TNS2: variants seen among roughly 807,000 people sequenced by gnomAD.
TNS2 encodes the protein tensin 2, also known as tensin-2.
A neutral mutation model predicts 155.7 loss-of-function variants in TNS2; 77 were observed. The observed-to-expected ratio is 0.49, with a 90% CI of 0.41 to 0.60. TNS2 has a LOEUF of 0.60. TNS2 is among the 20% of genes least tolerant of loss of function. TNS2 has a pLI of 0.00. For synonymous variants in TNS2, 726 were observed against 763.9 expected, an observed-to-expected ratio of 0.95 and a Z score of 0.82; for missense variants, 1,703 against 1,868.8, an observed-to-expected ratio of 0.91 and a Z score of 1.64.
At position 53,061,152 on chromosome 12, in the gene TNS2, G is replaced by A. The variant is rs758587082; in HGVS notation, c.3246G>A (p.Pro1082=). 22 of 1,607,992 alleles carry A rather than the reference G, an allele frequency of 1.4e-5. No individual in the cohort carries two copies. The highest frequency in any genetic ancestry group is 4.5e-5 in the East Asian group (2 of 44,864). Reference sequence around the variant, plus strand: ...CTGAGAAACGCCACCTGCCCGGGCCGGGGCAACAGCCAGGACCCTGGGGCC... The same window carrying A: ...CTGAGAAACGCCACCTGCCCGGGCCAGGGCAACAGCCAGGACCCTGGGGCC... ...PLPEKRHLPG[P]GQQPGPWGPE... is the part of the protein sequence containing the mutation. Residue 1082 remains proline, a synonymous_variant, in exon 20 of 29, where the codon CCG becomes CCA. Transcript: ENST00000314250.
chr12:53,049,314 G>A (rs1051944291), upstream of TNS2: 12 of 1,373,528 alleles, frequency 8.7e-6, no homozygotes, highest in Non-Finnish European at 1.2e-5. Context: ...AGCCCAAGTT[G>A]CAGGGCTGGA....
At chr12:53,062,507 G>T (rs1944416213) in intron 24 of TNS2, 54 bp downstream of exon 24, 1 of 1,610,992 alleles carries the variant, frequency 6.2e-7, no homozygotes, top group Non-Finnish European at 8.5e-7. Context: ...TGCAGCCAAA[G>T]CAGGATCCAG....
Position 53,061,029 on chromosome 12 carries a change from G to A in TNS2, c.3123G>A (p.Trp1041Ter). 6.2e-7 allele frequency: 1 copy of A among 1,613,790 alleles called. No individual in the cohort carries two copies. Reference protein sequence around the residue: ...PLTPVPSQMPWLVASPEPPQS... With the variant: ...PLTPVPSQMP ...CTCCTGTGCCTTCCCAGATGCCCTG[G>A]CTTGTGGCCAGCCCAGAGCCGCCTC... Residue 1041 changes from tryptophan (W) to a stop codon, truncating the protein, a stop_gained, in exon 20 of 29, where the codon TGG (tryptophan) becomes TGA (stop). Coordinates refer to ENST00000314250, the MANE Select transcript of TNS2 (RefSeq NM_170754.4). LOFTEE classifies it high-confidence loss of function.
chr12:53,062,665 G>C lies in TNS2; in HGVS notation c.3791G>C (p.Ser1264Thr), dbSNP rs921657888. Residue 1264 changes from serine (S) to threonine (T), a missense_variant, in exon 25 of 29, where the codon AGC becomes ACC. By Grantham distance (58) the Ser-to-Thr change is moderately conservative. Coordinates refer to ENST00000314250, the MANE Select transcript of TNS2 (RefSeq NM_170754.4). ...TPEAPVPTNM[S>T]TAADLLRQGA... ...GAGGCTCCAGTGCCCACCAACATGA[G>C]CACAGCGGCAGACCTCCTGCGTCAG... The C allele has an allele frequency of 1.2e-5, 19 of 1,613,886 alleles. No individual in the cohort carries two copies. The highest frequency in any genetic ancestry group is 1.4e-5 in the Non-Finnish European group (17 of 1,179,970).
chr12:53,047,451 G>A (rs998165880), upstream of TNS2, among the ~76,000 whole-genome samples: 2 of 144,624 alleles, frequency 1.4e-5, no homozygotes, highest in African/African-American at 4.9e-5. Context: ...GCGGGCGCCA[G>A]GGGGCGCGGG....
Position 53,059,744 on chromosome 12 carries a change from A to G in TNS2, c.2103A>G (p.Thr701=), listed in dbSNP as rs1269015091. The change falls in exon 18 of 29, where the codon ACA becomes ACG. Residue 701 remains threonine (T), a synonymous_variant. Transcript: ENST00000314250. The surrounding 1 kb of genome is among the most constrained non-coding windows in gnomAD (Gnocchi z 4.7). Reference sequence around the variant, plus strand: ...GCGAGGAGAAGCTGGCGCTGCCTACAGCAGCCTTGTATGGACTGCGGCTGG... The same window carrying G: ...GCGAGGAGAAGCTGGCGCTGCCTACGGCAGCCTTGTATGGACTGCGGCTGG... ...PACEEKLALP[T]AALYGLRLER... is the part of the protein sequence containing the mutation. The G allele has an allele frequency of 6.2e-7, 1 of 1,612,876 alleles. No individual in the cohort carries two copies. Among genetic ancestry groups the G allele is most frequent in the African/African-American group, 1.3e-5 (1 of 74,918 alleles).
intron 23 of TNS2, 32 bp from the exon 24 acceptor site, chr12:53,062,344 A>G (rs368234436): frequency 1.2e-6 from 2 of 1,613,406 alleles, no homozygotes; most frequent in African/African-American, 2.7e-5. Flanking sequence ...CACCCTGGGC[A>G]TCTCGGGACT....
Position 53,059,869 on chromosome 12 carries a change from G to T in TNS2, c.2228G>T (p.Gly743Val), listed in dbSNP as rs1281415196. Reference protein sequence around the residue: ...HPLPLLLPACGHHHAPMPDYS... With the variant: ...HPLPLLLPACVHHHAPMPDYS... Reference sequence around the variant, plus strand: ...CTGCCTCTGCTCTTGCCTGCCTGTGGGCATCACCATGCCCCGATGCCTGAC... The same window carrying T: ...CTGCCTCTGCTCTTGCCTGCCTGTGTGCATCACCATGCCCCGATGCCTGAC... The change falls in exon 18 of 29, where the codon GGG becomes GTG. Residue 743 changes from glycine to valine, a missense_variant. Transcript: ENST00000314250. This position sits in a 1 kb window ranked among gnomAD's most constrained non-coding sequence, Gnocchi z 4.7. 1.9e-6 allele frequency: 3 copies of T among 1,613,010 alleles called. No individual in the cohort carries two copies. The African/African-American group carries it at 4.0e-5, about 21-fold the overall frequency.
chr12:53,053,475 G>GGA, intron 4 of TNS2, 26 bp downstream of exon 4: 1 of 1,613,738 alleles, frequency 6.2e-7, no homozygotes, highest in Non-Finnish European at 8.5e-7. Context: ...GATGGGGTGG[G>GGA]GAGGGCAAGG....
At chr12:53,055,291 G>T in intron 8 of TNS2, 55 bp downstream of exon 8, 1 of 1,576,674 alleles carries the variant, frequency 6.3e-7, no homozygotes. Flanking sequence ...AACCCCAGAA[G>T]CCCCCAGCTT....
Position 53,060,662 on chromosome 12 carries a change from T to C in TNS2, c.2769-13T>C. ...TGGGGGCTCTGCTGACCATCTGCCC[T>C]TCCACCCTACAGCACCCGGCGACAG... On this transcript the variant is annotated splice_polypyrimidine_tract_variant and intron_variant, in intron 19 of 28. Transcript: ENST00000314250. The surrounding 1 kb of genome is among the most constrained non-coding windows in gnomAD (Gnocchi z 6.1). 6.3e-7 allele frequency: 1 copy of C among 1,581,694 alleles called. No homozygotes were observed. The highest frequency in any genetic ancestry group is 8.6e-7 in the Non-Finnish European group (1 of 1,160,700).
chr12:53,055,474 C>T, intron 8 of TNS2, 94 bp from the exon 9 acceptor site: 4 of 1,461,248 alleles, frequency 2.7e-6, no homozygotes, highest in Non-Finnish European at 3.7e-6. Context: ...CCCAGCCTTG[C>T]CCCCGGACCC....
rs199778149 is a variant in TNS2 at position 53,063,752 on chromosome 12, G to C, written c.4100G>C (p.Gly1367Ala). 1.3e-4 allele frequency: 210 copies of C among 1,614,130 alleles called. No homozygotes were observed. Among genetic ancestry groups the C allele is most frequent in the Non-Finnish European group, 1.7e-4 (195 of 1,180,020 alleles). The change falls in exon 29 of 29, where the codon GGT becomes GCT. Residue 1367 changes from glycine (G) to alanine (A), a missense_variant. Transcript: ENST00000314250. This position sits in a 1 kb window ranked among gnomAD's most constrained non-coding sequence, Gnocchi z 5.6. ...ACCCTTTATCCCCCTAGGATCTTTG[G>C]TTTCGTGGCCAAGAAGCCGGGAAGC... ...NPDGTTSKIF[G>A]FVAKKPGSPW...
Position 53,059,203 on chromosome 12 carries a change from CAG to C in TNS2, c.1565_1566del (p.Glu522AlafsTer4). The C allele has an allele frequency of 6.3e-7, 1 of 1,589,300 alleles. No homozygotes were observed. On this transcript the variant is annotated frameshift_variant, in exon 18 of 29. Transcript: ENST00000314250. LOFTEE classifies it high-confidence loss of function. This position sits in a 1 kb window ranked among gnomAD's most constrained non-coding sequence, Gnocchi z 4.7. ...TCAGGCCATTCCTCCACGCTGACCA[CAG>C]AGCCGGCTGCTGAGTCCCCTGGCCG... is the stretch of plus-strand genomic sequence containing the variant.
intron 15 of TNS2, 28 bp from the exon 16 acceptor site, chr12:53,058,544 C>G: frequency 1.2e-6 from 2 of 1,614,102 alleles, no homozygotes; most frequent in African/African-American, 1.3e-5. Flanking sequence ...GGCCAGGGGC[C>G]TGGTTCTTCA....
Position 53,054,131 on chromosome 12 carries a change from G to T in TNS2, c.350+117G>T, listed in dbSNP as rs1944041761. 25 of 1,565,542 alleles carry T rather than the reference G, an allele frequency of 1.6e-5. No homozygotes were observed. In the South Asian group the frequency reaches 1.9e-4, roughly 12 times the overall value. On this transcript the variant is annotated intron_variant, in intron 6 of 28. Coordinates refer to ENST00000314250, the MANE Select transcript of TNS2 (RefSeq NM_170754.4). ...GGGACAGCCCCCCACCCCCAAAGCG[G>T]TATTCTCCCTCCAGACCGATCCACC... is the stretch of plus-strand genomic sequence containing the variant.
In TNS2 at chr12:53,050,560, C is replaced by T. The variant is rs1352683461; in HGVS notation, c.75+300C>T. 1.3e-5 allele frequency among the ~76,000 whole-genome samples: 2 copies of T among 151,986 alleles called. No homozygotes were observed. Among genetic ancestry groups the T allele is most frequent in the East Asian group, 1.9e-4 (1 of 5,170 alleles). ...TGCCTCACTGCAGGACTTTGCCATG[C>T]GCTATCCAGGTATCCTCCAGCAGGC... On this transcript the variant is annotated intron_variant, in intron 1 of 28. Transcript: ENST00000314250. This position sits in a 1 kb window ranked among gnomAD's most constrained non-coding sequence, Gnocchi z 4.7.
chr12:53,060,797 GT>G lies in TNS2; in HGVS notation c.2892del (p.Ser964ArgfsTer191). Reference protein sequence around the residue: ...TGKAPELPSGSGPEPLAPSPV... With the variant: ...TGKAPELPSGXGPEPLAPSPV... The stretch of plus-strand genomic sequence containing the variant: ...AAGGCCCCTGAGCTGCCGTCGGGAA[GT>G]GGGCCTGAGCCTCTGGCCCCTAGCC... On this transcript the variant is annotated frameshift_variant, in exon 20 of 29. Transcript: ENST00000314250. LOFTEE classifies it high-confidence loss of function. The surrounding 1 kb of genome is among the most constrained non-coding windows in gnomAD (Gnocchi z 6.1). 6.2e-6 allele frequency: 10 copies of G among 1,612,166 alleles called. No individual in the cohort carries two copies. Among genetic ancestry groups the G allele is most frequent in the Non-Finnish European group, 8.5e-6 (10 of 1,179,112 alleles).
intron 17 of TNS2, 67 bp downstream of exon 17, chr12:53,058,894 G>A: frequency 6.3e-7 from 1 of 1,585,116 alleles, no homozygotes; most frequent in Non-Finnish European, 8.6e-7. Flanking sequence ...TGGTGCCAGG[G>A]AGAAGCACAC....
Sources: allele counts gnomAD v4.1 joint callset (sites outside exome capture counted in the v4.1 genomes callset), GRCh38; gene constraint gnomAD v4.1.1; non-coding constraint Gnocchi (gnomAD v3.1); transcripts MANE v1.5; gene names NCBI Gene and HGNC (gene_info 2026-07-23, HGNC 2026-07-21).